CORIN: variants seen among roughly 807,000 people sequenced by gnomAD.
The protein encoded by CORIN is atrial natriuretic peptide-converting enzyme.
CORIN carries 117 observed loss-of-function variants against 125.3 expected under a neutral mutation model. The ratio of observed to expected loss-of-function variants is 0.93; its 90% CI spans 0.80 to 1.09. CORIN has a LOEUF of 1.09. CORIN is among the 50% of genes least tolerant of loss of function. The pLI, the probability that CORIN is intolerant of heterozygous loss-of-function variation, is 0.00. For synonymous variants in CORIN, 450 were observed against 466.4 expected (o/e 0.96, Z 0.45); for missense variants, 1,253 against 1,306.7 (o/e 0.96, Z 0.63).
intron 13 of CORIN, among the ~76,000 whole-genome samples, chr4:47,651,876 T>C (rs1005584092): frequency 6.6e-6 from 1 of 152,192 alleles, no homozygotes; most frequent in Non-Finnish European, 1.5e-5. Flanking sequence ...GTTCTAGAAC[T>C]CAGAACTTTT....
chr4:47,703,622 C>T lies in CORIN; in HGVS notation c.800-10539G>A, dbSNP rs138383506. Among the ~76,000 whole-genome samples the T allele has an allele frequency of 9.2e-3, 1,402 of 152,302 alleles. 24 individuals carry two copies. The highest frequency in any genetic ancestry group is 0.032 in the African/African-American group (1,333 of 41,548). ...ACCTGAATCCCACCTACTTTGGGAT[C>T]GTCTCTGAGTATATTAATCAGTAAT... On this transcript the variant is annotated intron_variant, in intron 5 of 21. Transcript: ENST00000273857.
chr4:47,684,798 A>G (rs1725439473), intron 6 of CORIN, among the ~76,000 whole-genome samples: 1 of 152,192 alleles, frequency 6.6e-6, no homozygotes, highest in Admixed American at 6.5e-5. Flanking sequence ...ACGAAAAAGA[A>G]TTCAATTATA....
chr4:47,645,432 C>G (rs1358021427), intron 13 of CORIN, among the ~76,000 whole-genome samples: 2 of 145,086 alleles, frequency 1.4e-5, no homozygotes, highest in African/African-American at 5.2e-5. Context: ...GTCTGGGCAA[C>G]AGAGCGAGAC....
chr4:47,693,331 AGAGT>A (rs1457815647), intron 5 of CORIN, among the ~76,000 whole-genome samples: 1 of 152,222 alleles, frequency 6.6e-6, no homozygotes, highest in Non-Finnish European at 1.5e-5. Context: ...GTGGGCTTGC[AGAGT>A]GAGGCATCCA....
intron 1 of CORIN, among the ~76,000 whole-genome samples, chr4:47,813,818 A>G (rs946491690): frequency 6.6e-6 from 1 of 152,230 alleles, no homozygotes; most frequent in Non-Finnish European, 1.5e-5. Flanking sequence ...AGTACTTGCT[A>G]GAGGTTATCC....
intron 10 of CORIN, 53 bp downstream of exon 10, chr4:47,674,340 T>C: frequency 2.5e-6 from 3 of 1,216,522 alleles, no homozygotes; most frequent in African/African-American, 3.0e-5. Flanking sequence ...AGAAGAAAAA[T>C]GCTGAATGCA....
intron 5 of CORIN, among the ~76,000 whole-genome samples, chr4:47,715,674 T>A (rs1727056342): frequency 6.6e-6 from 1 of 152,192 alleles, no homozygotes; most frequent in Admixed American, 6.5e-5. Context: ...CAAAAATGTG[T>A]CTTTCTGGTT....
chr4:47,660,344 A>G (rs1577794813), intron 12 of CORIN, among the ~76,000 whole-genome samples: 2 of 152,222 alleles, frequency 1.3e-5, no homozygotes, highest in South Asian at 4.1e-4. Flanking sequence ...ATGCGATTAC[A>G]TAAAGTTAAA....
chr4:47,758,545 G>A (rs1247096028), intron 4 of CORIN, among the ~76,000 whole-genome samples: 1 of 152,064 alleles, frequency 6.6e-6, no homozygotes, highest in African/African-American at 2.4e-5. Context: ...AAACAAAGCT[G>A]GAGGCATCAC....
intron 13 of CORIN, among the ~76,000 whole-genome samples, chr4:47,648,485 G>A (rs1383066575): frequency 1.3e-5 from 2 of 152,102 alleles, no homozygotes. Context: ...TGGGTTTTTT[G>A]CTTACTCTAT....
At position 47,772,100 on chromosome 4, in the gene CORIN, G is replaced by GAT. The variant is rs1164165332; in HGVS notation, c.410-8516_410-8515dup. ...ACATAGATAGATAGATAGATAGATA[G>GAT]ATAGATAGATAGATAGGTAGATAGA... is the stretch of plus-strand genomic sequence containing the variant. On this transcript the variant is annotated intron_variant, in intron 3 of 21. Transcript: ENST00000273857. Among the ~76,000 whole-genome samples the GAT allele has an allele frequency of 4.6e-5, 7 of 152,032 alleles. No individual in the cohort carries two copies. The South Asian group carries it at 1.2e-3, about 27-fold the overall frequency.
intron 7 of CORIN, 64 bp from the exon 8 acceptor site, chr4:47,680,315 G>T: frequency 1.8e-6 from 2 of 1,140,804 alleles, no homozygotes; most frequent in Non-Finnish European, 2.6e-6. Context: ...GGATTCTATG[G>T]CTCCCAGTTC....
At chr4:47,745,008 G>A (rs1365250734) in intron 4 of CORIN, among the ~76,000 whole-genome samples, 1 of 152,172 alleles carries the variant, frequency 6.6e-6, no homozygotes, top group African/African-American at 2.4e-5. Context: ...AAGTATCTCT[G>A]AGTGGCAGCA....
intron 4 of CORIN, among the ~76,000 whole-genome samples, chr4:47,755,811 T>C (rs148692017): frequency 1.3e-5 from 2 of 152,364 alleles, no homozygotes; most frequent in African/African-American, 4.8e-5. Flanking sequence ...AAATTTGATT[T>C]ATGCAAAAAT....
At chr4:47,604,635 A>G (rs1452668549) in intron 19 of CORIN, among the ~76,000 whole-genome samples, 1 of 152,234 alleles carries the variant, frequency 6.6e-6, no homozygotes, top group Non-Finnish European at 1.5e-5. Context: ...CACTGAATGC[A>G]TCAGCAAGTC....
At chr4:47,741,859 GT>G (rs1168145099) in intron 5 of CORIN, among the ~76,000 whole-genome samples, 1 of 151,976 alleles carries the variant, frequency 6.6e-6, no homozygotes, top group African/African-American at 2.4e-5. Flanking sequence ...AAATAGTCAT[GT>G]TTATAGAAAC....
intron 4 of CORIN, among the ~76,000 whole-genome samples, chr4:47,761,933 C>T (rs758171985): frequency 7.9e-5 from 12 of 151,942 alleles, no homozygotes; most frequent in Middle Eastern, 6.8e-3. Flanking sequence ...GAGCTTGAGG[C>T]CAGCCTGGAC....
chr4:47,723,156 T>C (rs1369015868), intron 5 of CORIN, among the ~76,000 whole-genome samples: 2 of 152,152 alleles, frequency 1.3e-5, no homozygotes, highest in Non-Finnish European at 2.9e-5. Flanking sequence ...CATGCAACAG[T>C]GGCAGCAGCA....
Position 47,674,520 on chromosome 4 carries a change from C to A in CORIN, c.1250-20G>T, listed in dbSNP as rs1445201542. ...TCTGAACTACAGAGGGAGGAAAAGG[C>A]ACATTGGCTTTCATCATCTACAAAT... On this transcript the variant is annotated intron_variant, in intron 9 of 21. Transcript: ENST00000273857. 2.7e-6 allele frequency: 4 copies of A among 1,465,722 alleles called. No individual in the cohort carries two copies. In the East Asian group the frequency reaches 9.1e-5, roughly 33 times the overall value. The allele number at this position is 1,465,722 out of a possible 1,614,324, so 90.8% of individuals were successfully genotyped here.
Sources: gnomAD v4.1 joint callset for allele counts (sites outside exome capture counted in the v4.1 genomes callset) on GRCh38, gnomAD v4.1.1 for gene constraint, MANE v1.5 for transcripts, NCBI Gene and HGNC (gene_info 2026-07-23, HGNC 2026-07-21) for gene names.